Variants in STXBP5 observed in about 807,000 individuals in gnomAD.
STXBP5 encodes syntaxin binding protein 5.
Under a neutral mutation model 152.4 loss-of-function variants are expected in STXBP5, and 50 were observed. The ratio of observed to expected loss-of-function variants is 0.33; its 90% CI spans 0.26 to 0.42. The LOEUF (loss-of-function observed/expected upper bound fraction) is 0.42. Ranked by LOEUF, STXBP5 falls within the 10% of genes least tolerant of loss-of-function variation. STXBP5 has a pLI of 1.00. For missense variants in STXBP5, 1,167 were observed against 1,388.6 expected, an observed-to-expected ratio of 0.84 and a Z score of 2.54; for synonymous variants, 492 against 494.7, an observed-to-expected ratio of 0.99 and a Z score of 0.07.
intron 20 of STXBP5, 36 bp downstream of exon 20, chr6:147,339,274 G>A: frequency 6.6e-7 from 1 of 1,507,688 alleles, no homozygotes; most frequent in Non-Finnish European, 8.9e-7. Flanking sequence ...TTTCTTTTAT[G>A]TTTAATTTAT....
chr6:147,291,068 A>T (rs760631265), intron 8 of STXBP5, 26 bp from the exon 9 acceptor site: 1 of 1,579,892 alleles, frequency 6.3e-7, no homozygotes, highest in Non-Finnish European at 8.7e-7. Context: ...GAATTTTAGA[A>T]TTTAATGCAG....
intron 27 of STXBP5, 39 bp downstream of exon 27, chr6:147,383,037 G>A: frequency 6.2e-7 from 1 of 1,601,098 alleles, no homozygotes; most frequent in East Asian, 2.2e-5. Flanking sequence ...AAAAGCTCTA[G>A]GTAAAGCAAG....
At chr6:147,383,666 A>G (rs566636100) in intron 27 of STXBP5, among the ~76,000 whole-genome samples, 1 of 152,046 alleles carries the variant, frequency 6.6e-6, no homozygotes, top group Non-Finnish European at 1.5e-5. Context: ...AGGTTACTTC[A>G]CACATCTAGT....
chr6:147,302,858 T>C (rs1781893847), intron 9 of STXBP5, among the ~76,000 whole-genome samples: 1 of 152,214 alleles, frequency 6.6e-6, no homozygotes, highest in South Asian at 2.1e-4. Flanking sequence ...ATATCAATTA[T>C]GTCTTTATTG....
chr6:147,268,595 C>G (rs1029742347), intron 7 of STXBP5, among the ~76,000 whole-genome samples: 3 of 152,146 alleles, frequency 2.0e-5, no homozygotes, highest in South Asian at 2.1e-4. Context: ...ATTAAACAAG[C>G]ATGTTTTGAA....
chr6:147,207,877 A>G (rs116108217), intron 2 of STXBP5, among the ~76,000 whole-genome samples: 2,370 of 152,208 alleles, frequency 0.016, 45 homozygotes, highest in African/African-American at 0.054. Context: ...ATAATTTAGT[A>G]TAATTATAAG....
chr6:147,358,889 AAATCC>A (rs1478393274), intron 22 of STXBP5, among the ~76,000 whole-genome samples, 190 bp from the exon 23 acceptor site: 1 of 152,122 alleles, frequency 6.6e-6, no homozygotes, highest in African/African-American at 2.4e-5. Context: ...AGGTGGAGGA[AAATCC>A]ATGTGTAAGT....
intron 4 of STXBP5, among the ~76,000 whole-genome samples, chr6:147,245,211 G>A (rs181788998): frequency 1.3e-5 from 2 of 151,858 alleles, no homozygotes; most frequent in African/African-American, 4.8e-5. Flanking sequence ...TTGGGTACTG[G>A]GGGGTTAGGA....
In STXBP5 at chr6:147,278,307, A is replaced by T; in HGVS notation, c.838+103A>T. 6.0e-6 allele frequency: 7 copies of T among 1,172,072 alleles called. No individual in the cohort carries two copies. In the Admixed American group the frequency reaches 1.3e-4, roughly 22 times the overall value. 72.6% of individuals were successfully genotyped at this position (1,172,072 alleles called of 1,614,324 possible). A position where few individuals can be genotyped will look rare whatever the true frequency, so the allele number is the denominator to read the frequency against. ...TGTTTGTTTGATTTTTAGGATAAGG[A>T]TGGGTTTCCTTCTGTTTTTAGGGAA... On this transcript the variant is annotated intron_variant, in intron 8 of 27. Transcript: ENST00000321680.
intron 16 of STXBP5, among the ~76,000 whole-genome samples, chr6:147,323,322 T>C (rs921748385): frequency 5.3e-5 from 8 of 152,176 alleles, no homozygotes; most frequent in African/African-American, 1.9e-4. Flanking sequence ...CTGTTCTACT[T>C]CGTCTTACCT....
intron 3 of STXBP5, among the ~76,000 whole-genome samples, chr6:147,238,101 AT>A (rs1355086045): frequency 6.6e-6 from 1 of 152,130 alleles, no homozygotes; most frequent in Non-Finnish European, 1.5e-5. Flanking sequence ...GTCTTTGGCC[AT>A]TTTCTGTTGC....
chr6:147,293,961 G>A (rs918541240), intron 9 of STXBP5, among the ~76,000 whole-genome samples: 1 of 152,172 alleles, frequency 6.6e-6, no homozygotes, highest in Non-Finnish European at 1.5e-5. Flanking sequence ...TAACTCTGAG[G>A]CAAAGGCAAA....
intron 21 of STXBP5, among the ~76,000 whole-genome samples, chr6:147,348,081 C>T (rs1333467138): frequency 1.3e-5 from 2 of 152,096 alleles, no homozygotes; most frequent in Non-Finnish European, 2.9e-5. Flanking sequence ...ATCTGGTTAA[C>T]AATTGCTCTC....
In STXBP5 at chr6:147,267,086, T is replaced by C; in HGVS notation, c.633T>C (p.Leu211=). ...ISDNPMDEGK[L]LIGFESGTVV... ...TGTGCCTTTTTCTTTTATCACAGCT[T>C]TTGATTGGCTTTGAATCTGGAACAG... The change falls in exon 7 of 28, where the codon CTT becomes CTC. Residue 211 remains leucine, a splice_region_variant and synonymous_variant. Transcript: ENST00000321680. 6.2e-7 allele frequency: 1 copy of C among 1,608,364 alleles called. No homozygotes were observed. Among genetic ancestry groups the C allele is most frequent in the Non-Finnish European group, 8.5e-7 (1 of 1,178,406 alleles).
chr6:147,328,064 G>C (rs573289996), intron 18 of STXBP5, among the ~76,000 whole-genome samples: 2 of 152,244 alleles, frequency 1.3e-5, no homozygotes, highest in Admixed American at 6.5e-5. Flanking sequence ...TCTCTTTATA[G>C]AGTTCTTTTA....
Position 147,385,926 on chromosome 6 carries a change from G to A in STXBP5, c.*1171G>A, listed in dbSNP as rs1786317016. ...TCTGATGACCTACAAAATATTTTGTGTAGAAATATACTATAAATCTGTACA... is the reference window on the plus strand; with the variant it reads ...TCTGATGACCTACAAAATATTTTGTATAGAAATATACTATAAATCTGTACA... On this transcript the variant is annotated 3_prime_UTR_variant, in exon 28 of 28. Coordinates refer to ENST00000321680, the MANE Select transcript of STXBP5 (RefSeq NM_001127715.4). 6.6e-6 allele frequency: 1 copy of A among 151,982 alleles called. No individual in the cohort carries two copies. Among genetic ancestry groups the A allele is most frequent in the Admixed American group, 6.6e-5 (1 of 15,244 alleles). The allele number at this position is 151,982 out of a possible 1,614,324, so 9.4% of individuals were successfully genotyped here.
chr6:147,289,520 A>G (rs1447311142), intron 8 of STXBP5, among the ~76,000 whole-genome samples: 1 of 152,168 alleles, frequency 6.6e-6, no homozygotes, highest in African/African-American at 2.4e-5. Flanking sequence ...TTTAATTTGT[A>G]GGAATTCGCT....
chr6:147,236,778 C>CTTT (rs796882567), intron 3 of STXBP5, among the ~76,000 whole-genome samples: 2 of 135,888 alleles, frequency 1.5e-5, no homozygotes, highest in Non-Finnish European at 3.2e-5. Flanking sequence ...CCTGTTCTGT[C>CTTT]TTTTTTTTTT....
At chr6:147,343,796 C>T (rs1450469396) in intron 21 of STXBP5, among the ~76,000 whole-genome samples, 1 of 152,118 alleles carries the variant, frequency 6.6e-6, no homozygotes, top group Non-Finnish European at 1.5e-5. Context: ...CATTGTAAAA[C>T]TCAAAATAGT....
Sources: allele counts gnomAD v4.1 joint callset (sites outside exome capture counted in the v4.1 genomes callset), GRCh38; gene constraint gnomAD v4.1.1; transcripts MANE v1.5; gene names NCBI Gene and HGNC (gene_info 2026-07-23, HGNC 2026-07-21).